The following PTCHD4 variants were observed in gnomAD, a reference collection of about 807,000 sequenced individuals.
PTCHD4 encodes patched domain containing 4, also known as patched domain-containing protein 4.
PTCHD4 carries 33 observed loss-of-function variants against 58.1 expected under a neutral mutation model. The ratio of observed to expected loss-of-function variants is 0.57; its 90% confidence interval spans 0.43 to 0.76. PTCHD4 has a LOEUF of 0.76. PTCHD4 is among the 30% of genes least tolerant of loss of function. The pLI is 0.00. For missense variants in PTCHD4, 1,058 were observed against 1,027.1 expected (o/e 1.03, Z -0.41); for synonymous variants, 478 against 409.6 (o/e 1.17, Z -2.02).
chr6:47,979,250 G>A lies in PTCHD4; in HGVS notation c.898+29384C>T, dbSNP rs1230164345. ...ACGGAGTGTTTTATATCTTGATGAG[G>A]TTTGAGTTACAAAGGTATGTATTTT... is the stretch of plus-strand genomic sequence containing the variant. On this transcript the variant is annotated intron_variant, in intron 4 of 4. Transcript: ENST00000339488. Among the ~76,000 whole-genome samples, 3 of 151,956 alleles carry A rather than the reference G, an allele frequency of 2.0e-5. 1 individual carries two copies. Among genetic ancestry groups the A allele is most frequent in the Non-Finnish European group, 1.5e-5 (1 of 67,974 alleles).
chr6:47,907,696 C>T (rs1237241873), intron 4 of PTCHD4, among the ~76,000 whole-genome samples: 2 of 152,144 alleles, frequency 1.3e-5, no homozygotes, highest in Non-Finnish European at 1.5e-5. Flanking sequence ...TGACAATAGT[C>T]GCCCCATTCC....
chr6:47,911,674 C>A (rs1765074794), intron 4 of PTCHD4, among the ~76,000 whole-genome samples: 1 of 152,066 alleles, frequency 6.6e-6, no homozygotes, highest in African/African-American at 2.4e-5. Context: ...ATGGCAGGAA[C>A]CAATAATTTT....
At chr6:48,048,300 A>G (rs1007397525) in intron 3 of PTCHD4, among the ~76,000 whole-genome samples, 2 of 151,970 alleles carry the variant, frequency 1.3e-5, no homozygotes, top group East Asian at 1.9e-4. Context: ...TTCAAATGTC[A>G]TCTATTTTCT....
At chr6:47,965,181 C>T (rs1382708966) in intron 4 of PTCHD4, among the ~76,000 whole-genome samples, 1 of 152,116 alleles carries the variant, frequency 6.6e-6, no homozygotes, top group African/African-American at 2.4e-5. Context: ...AGTGTAATTT[C>T]CCTTGTGTTA....
chr6:47,890,232 G>A (rs1764335268), intron 4 of PTCHD4, among the ~76,000 whole-genome samples: 1 of 151,412 alleles, frequency 6.6e-6, no homozygotes, highest in South Asian at 2.1e-4. Flanking sequence ...ATATATATAT[G>A]GAGAGAAAAA....
chr6:47,886,226 A>G (rs558574443), intron 4 of PTCHD4, among the ~76,000 whole-genome samples: 2 of 151,964 alleles, frequency 1.3e-5, no homozygotes, highest in Non-Finnish European at 2.9e-5. Context: ...CTACAATTCC[A>G]AAGAAAATAC....
At chr6:47,911,740 G>A (rs1285086370) in intron 4 of PTCHD4, among the ~76,000 whole-genome samples, 1 of 152,078 alleles carries the variant, frequency 6.6e-6, no homozygotes, top group Non-Finnish European at 1.5e-5. Flanking sequence ...ACATTCTGAT[G>A]TCAAGTAGGC....
At chr6:47,945,968 A>T (rs1766403043) in intron 4 of PTCHD4, among the ~76,000 whole-genome samples, 1 of 151,878 alleles carries the variant, frequency 6.6e-6, no homozygotes, top group Admixed American at 6.6e-5. Context: ...ATTTAATTAT[A>T]AATTTTTCTT....
intron 4 of PTCHD4, among the ~76,000 whole-genome samples, chr6:47,895,533 C>T (rs768767697): frequency 2.8e-4 from 43 of 152,170 alleles, no homozygotes; most frequent in Non-Finnish European, 5.7e-4. Context: ...AATAAGATAG[C>T]CTGCCTTTCA....
intron 4 of PTCHD4, among the ~76,000 whole-genome samples, chr6:47,957,949 G>T (rs572505629): frequency 6.6e-6 from 1 of 152,084 alleles, no homozygotes; most frequent in African/African-American, 2.4e-5. Flanking sequence ...GCTAAGCAAA[G>T]TCTGTCCATT....
intron 4 of PTCHD4, among the ~76,000 whole-genome samples, chr6:47,906,343 C>CA (rs1312345976): frequency 6.6e-6 from 1 of 152,160 alleles, no homozygotes; most frequent in African/African-American, 2.4e-5. Context: ...AGAGAGAGTC[C>CA]ACCAAGCCTC....
Position 48,086,379 on chromosome 6 carries a change from G to T in PTCHD4, c.-969-16453C>A, listed in dbSNP as rs114299490. Reference sequence around the variant, plus strand: ...ATTATTTATAAATAAACAGGCAGCAGTCTGAATCTGGCCTTTGGGCTGTAG... The same window carrying T: ...ATTATTTATAAATAAACAGGCAGCATTCTGAATCTGGCCTTTGGGCTGTAG... On this transcript the variant is annotated intron_variant, in intron 1 of 4. Transcript: ENST00000339488. Among the ~76,000 whole-genome samples the T allele has an allele frequency of 4.4e-3, 670 of 152,100 alleles. 14 individuals are homozygous for T. Among genetic ancestry groups the T allele is most frequent in the African/African-American group, 0.016 (650 of 41,500 alleles).
intron 1 of PTCHD4, among the ~76,000 whole-genome samples, chr6:48,101,852 A>AAT (rs1411363030): frequency 6.6e-6 from 1 of 152,082 alleles, no homozygotes; most frequent in Non-Finnish European, 1.5e-5. Context: ...CCTTCTAGCT[A>AAT]ATCAGGTCCT....
chr6:48,103,855 T>C (rs924235673), intron 1 of PTCHD4, among the ~76,000 whole-genome samples: 2 of 152,052 alleles, frequency 1.3e-5, no homozygotes, highest in Non-Finnish European at 2.9e-5. Context: ...GTATCAGCGA[T>C]GGAAGATGAA....
intron 4 of PTCHD4, among the ~76,000 whole-genome samples, chr6:47,973,138 A>G (rs1767577665): frequency 6.6e-6 from 1 of 152,178 alleles, no homozygotes; most frequent in Non-Finnish European, 1.5e-5. Context: ...TATATTTCAC[A>G]TTTGAAAGAG....
chr6:48,084,509 CTAA>C (rs908043266), intron 1 of PTCHD4, among the ~76,000 whole-genome samples: 58 of 151,972 alleles, frequency 3.8e-4, no homozygotes, highest in African/African-American at 1.4e-3. Flanking sequence ...GTTAATTGTT[CTAA>C]TGTTTGGCAG....
intron 4 of PTCHD4, among the ~76,000 whole-genome samples, chr6:47,890,448 G>A (rs74743508): frequency 1.8e-3 from 268 of 152,216 alleles, no homozygotes; most frequent in Non-Finnish European, 3.1e-3. Flanking sequence ...ACCTCAGGCC[G>A]TTTTTGTAAG....
intron 4 of PTCHD4, chr6:47,901,840 T>C: frequency 7.7e-7 from 1 of 1,297,678 alleles, no homozygotes; most frequent in Non-Finnish European, 1.0e-6. Flanking sequence ...AAATGTGATA[T>C]TTTTCTCCTC....
intron 4 of PTCHD4, among the ~76,000 whole-genome samples, chr6:47,883,680 T>A (rs1764091719): frequency 1.3e-5 from 2 of 152,290 alleles, no homozygotes; most frequent in Admixed American, 6.5e-5. Context: ...TGGGCACTAT[T>A]GACACTTTGG....
Sources: gnomAD v4.1 joint callset for allele counts (sites outside exome capture counted in the v4.1 genomes callset) on GRCh38, gnomAD v4.1.1 for gene constraint, MANE v1.5 for transcripts, NCBI Gene and HGNC (gene_info 2026-07-23, HGNC 2026-07-21) for gene names.